The following CCDC88A variants were observed in gnomAD, a reference collection of about 807,000 sequenced individuals.
CCDC88A encodes the protein girdin.
A neutral mutation model predicts 234.3 loss-of-function variants in CCDC88A; 54 were observed. The ratio of observed to expected loss-of-function variants is 0.23; its 90% confidence interval spans 0.19 to 0.29. CCDC88A has a LOEUF of 0.29. Ranked by LOEUF, CCDC88A falls within the 10% of genes least tolerant of loss-of-function variation. The pLI is 1.00. For synonymous variants in CCDC88A, 753 were observed against 737.8 expected, an observed-to-expected ratio of 1.02 and a Z score of -0.33; for missense variants, 1,832 against 2,123.4, an observed-to-expected ratio of 0.86 and a Z score of 2.70.
At chr2:55,396,258 G>A (rs1003971509) in intron 2 of CCDC88A, among the ~76,000 whole-genome samples, 3 of 151,954 alleles carry the variant, frequency 2.0e-5, no homozygotes, top group Non-Finnish European at 4.4e-5. Context: ...AAAAATTTTA[G>A]GTATATTTAC....
chr2:55,326,689 G>C (rs892167834), intron 17 of CCDC88A, among the ~76,000 whole-genome samples: 46 of 152,064 alleles, frequency 3.0e-4, no homozygotes, highest in African/African-American at 9.9e-4. Flanking sequence ...CAGCCTCCTG[G>C]GTAGCTGGCT....
In CCDC88A at chr2:55,335,050, T is replaced by C. The variant is rs559089439; in HGVS notation, c.1771A>G (p.Ile591Val). ...RVKDIEKENK[I>V]LHESIKETSS... Reference sequence around the variant, plus strand: ...GTTTCTTTGATAGATTCATGAAGAATTTTGTTTTCTTTTTCAATGTCTTTC... The same window carrying C: ...GTTTCTTTGATAGATTCATGAAGAACTTTGTTTTCTTTTTCAATGTCTTTC... The change falls in exon 15 of 33, where the codon ATT (isoleucine) becomes GTT (valine). Residue 591 changes from isoleucine (I) to valine (V), a missense_variant. By Grantham distance (29) the Ile-to-Val change is conservative (BLOSUM62 3). Transcript: ENST00000436346. The surrounding 1 kb of genome is among the most constrained non-coding windows in gnomAD (Gnocchi z 4.5). The C allele has an allele frequency of 1.3e-5, 21 of 1,611,660 alleles. No homozygotes were observed. The highest frequency in any genetic ancestry group is 5.0e-5 in the Admixed American group (3 of 59,800).
At position 55,339,659 on chromosome 2, in the gene CCDC88A, G is replaced by C; in HGVS notation, c.1334-11C>G. The stretch of plus-strand genomic sequence containing the variant: ...GGGATTTCTGGGGTGCTATAATATT[G>C]AAAAATACACCATTGTATTTACTCT... On this transcript the variant is annotated splice_polypyrimidine_tract_variant and intron_variant, in intron 12 of 32. Transcript: ENST00000436346. 1 of 1,585,946 alleles carries C rather than the reference G, an allele frequency of 6.3e-7. No individual in the cohort carries two copies. Among genetic ancestry groups the C allele is most frequent in the Non-Finnish European group, 8.5e-7 (1 of 1,170,648 alleles).
rs565079215 is a variant in CCDC88A at position 55,407,216 on chromosome 2, G to GA, written c.164+11599dup. The stretch of plus-strand genomic sequence containing the variant: ...GCAACAGGGCAAGACCCTGTCTCAA[G>GA]AAAAAAAAAAGAATATACTGTCTAA... On this transcript the variant is annotated intron_variant, in intron 2 of 32. Coordinates refer to ENST00000436346, the MANE Select transcript of CCDC88A (RefSeq NM_001365480.1). 3.6e-3 allele frequency among the ~76,000 whole-genome samples: 513 copies of GA among 143,624 alleles called. 5 individuals carry two copies. The highest frequency in any genetic ancestry group is 0.018 in the Middle Eastern group (5 of 276). 94.2% of individuals were successfully genotyped at this position (143,624 alleles called of 152,430 possible).
chr2:55,356,973 C>T (rs1447889546), intron 7 of CCDC88A, among the ~76,000 whole-genome samples: 1 of 152,160 alleles, frequency 6.6e-6, no homozygotes, highest in Non-Finnish European at 1.5e-5. Flanking sequence ...TGCACACAGT[C>T]ATTACTGTAT....
chr2:55,346,602 T>C (rs556647908), intron 9 of CCDC88A, among the ~76,000 whole-genome samples: 1 of 152,194 alleles, frequency 6.6e-6, no homozygotes, highest in African/African-American at 2.4e-5. Flanking sequence ...GTATTTTTAG[T>C]AGAGATGGAG....
chr2:55,408,558 T>G (rs1679971393), intron 2 of CCDC88A, among the ~76,000 whole-genome samples: 1 of 152,116 alleles, frequency 6.6e-6, no homozygotes, highest in Admixed American at 6.5e-5. Context: ...GCTACACTCC[T>G]ACCAGTGCCA....
chr2:55,301,068 T>A (rs1369379251), intron 28 of CCDC88A, 138 bp downstream of exon 28: 2 of 612,010 alleles, frequency 3.3e-6, no homozygotes, highest in Non-Finnish European at 5.7e-6. Flanking sequence ...TTTGAAGAAA[T>A]GGTAGAGGTA....
At chr2:55,397,298 T>C (rs989210630) in intron 2 of CCDC88A, 4 of 152,180 alleles carry the variant, frequency 2.6e-5, no homozygotes, top group African/African-American at 9.7e-5. Context: ...TTTCACCATG[T>C]AGACCAGGCT....
At chr2:55,365,820 T>C (rs867873479) in intron 5 of CCDC88A, among the ~76,000 whole-genome samples, 8 of 152,192 alleles carry the variant, frequency 5.3e-5, no homozygotes, top group African/African-American at 1.9e-4. Flanking sequence ...TATTCACACT[T>C]TGAAGCTGAA....
At chr2:55,399,068 T>A (rs902784074) in intron 2 of CCDC88A, among the ~76,000 whole-genome samples, 3 of 152,088 alleles carry the variant, frequency 2.0e-5, no homozygotes, top group African/African-American at 7.2e-5. Context: ...GTGTTAACTA[T>A]ATTAGAAAGA....
chr2:55,334,577 G>A lies in CCDC88A; in HGVS notation c.2244C>T (p.Phe748=). Reference sequence around the variant, plus strand: ...TAACTTCTAAGCGTTCTGTTTTCTTGAAAGATGCTTTCAGGAGCTCCAAAC... The same window carrying A: ...TAACTTCTAAGCGTTCTGTTTTCTTAAAAGATGCTTTCAGGAGCTCCAAAC... ...KKGLELLKAS[F]KKTERLEVSY... Residue 748 remains phenylalanine, a synonymous_variant, in exon 15 of 33, where the codon TTC becomes TTT. Transcript: ENST00000436346. The surrounding 1 kb of genome is among the most constrained non-coding windows in gnomAD (Gnocchi z 6.1). The A allele has an allele frequency of 1.2e-6, 2 of 1,612,966 alleles. No individual in the cohort carries two copies. Among genetic ancestry groups the A allele is most frequent in the South Asian group, 2.2e-5 (2 of 91,052 alleles).
chr2:55,333,681 G>T (rs1574150279), intron 15 of CCDC88A, among the ~76,000 whole-genome samples: 1 of 151,820 alleles, frequency 6.6e-6, no homozygotes, highest in Middle Eastern at 3.4e-3. Context: ...TATATATTTG[G>T]GTGTGTGTGT....
rs1401366956 is a variant in CCDC88A at position 55,315,961 on chromosome 2, A to G, written c.3900T>C (p.Asp1300=). Residue 1300 remains aspartate, a synonymous_variant, in exon 22 of 33, where the codon GAT becomes GAC. Coordinates refer to ENST00000436346, the MANE Select transcript of CCDC88A (RefSeq NM_001365480.1). Reference sequence around the variant, plus strand: ...GGTTATTCAGCTTGGTTGATGTAATATCCAATTGTTGGTATTGTTCCTTTA... The same window carrying G: ...GGTTATTCAGCTTGGTTGATGTAATGTCCAATTGTTGGTATTGTTCCTTTA... The part of the protein sequence containing the change: ...SKLKEQYQQL[D]ITSTKLNNQC... 5.1e-6 allele frequency: 8 copies of G among 1,582,848 alleles called. No homozygotes were observed. The highest frequency in any genetic ancestry group is 6.9e-6 in the Non-Finnish European group (8 of 1,167,062).
At chr2:55,372,402 T>C (rs1302274368) in intron 5 of CCDC88A, 50 bp downstream of exon 5, 3 of 896,900 alleles carry the variant, frequency 3.3e-6, no homozygotes, top group Non-Finnish European at 3.5e-6. Context: ...CTGATAAAAA[T>C]ATATAAAGAG....
intron 10 of CCDC88A, 131 bp from the exon 11 acceptor site, chr2:55,344,645 A>T (rs1378323327): frequency 2.2e-6 from 1 of 455,342 alleles, no homozygotes; most frequent in African/African-American, 2.0e-5. Context: ...TGAGTAATAG[A>T]AATACAATTA....
intron 18 of CCDC88A, among the ~76,000 whole-genome samples, chr2:55,319,640 C>T (rs1359260465): frequency 6.6e-6 from 1 of 152,122 alleles, no homozygotes; most frequent in Non-Finnish European, 1.5e-5. Flanking sequence ...ACTCCTGGAG[C>T]ATTTCCAAAC....
In CCDC88A at chr2:55,339,526, C is replaced by A; in HGVS notation, c.1456G>T (p.Val486Leu). ...AGGATTTTGGAAGCATTGCCTTCTA[C>A]AGAATCCACAGTAGTCCGAAGCTCT... ...VEELRTTVDS[V>L]EGNASKILKM... is the part of the protein sequence containing the mutation. The change falls in exon 13 of 33, where the codon GTA (valine) becomes TTA (leucine). Residue 486 changes from valine to leucine, a missense_variant. By Grantham distance (32) the Val-to-Leu change is conservative. This residue lies in a region of CCDC88A where 1,282 missense variants were observed against 1,543.6 expected (regional missense o/e 0.83). Transcript: ENST00000436346. The A allele has an allele frequency of 6.2e-7, 1 of 1,611,632 alleles. No homozygotes were observed. The highest frequency in any genetic ancestry group is 8.5e-7 in the Non-Finnish European group (1 of 1,179,228).
chr2:55,411,637 G>A (rs1260175250), intron 2 of CCDC88A, among the ~76,000 whole-genome samples: 1 of 151,876 alleles, frequency 6.6e-6, no homozygotes, highest in Non-Finnish European at 1.5e-5. Context: ...AACTTCACCA[G>A]GCACGGTGGT....
Sources: allele counts gnomAD v4.1 joint callset (sites outside exome capture counted in the v4.1 genomes callset), GRCh38; gene constraint gnomAD v4.1.1; regional missense constraint gnomAD v4.1.1; non-coding constraint Gnocchi (gnomAD v3.1); transcripts MANE v1.5; gene names NCBI Gene and HGNC (gene_info 2026-07-23, HGNC 2026-07-21).